NALCN: variants seen among roughly 807,000 people sequenced by gnomAD.
NALCN encodes the protein sodium leak channel NALCN.
In NALCN, 111 loss-of-function variants were observed where a neutral mutation model predicts 225.3. That is an observed-to-expected ratio of 0.49 (90% CI 0.42 to 0.58). The LOEUF (loss-of-function observed/expected upper bound fraction) is 0.58. NALCN is among the 20% of genes least tolerant of loss of function. The probability of loss-of-function intolerance (pLI) is 0.00; values close to 1 mark genes in which losing one functional copy is unlikely to be tolerated. For missense variants in NALCN, 1,378 were observed against 2,202.4 expected (o/e 0.63, Z 7.49); for synonymous variants, 764 against 769.0 (o/e 0.99, Z 0.11).
At chr13:101,214,594 T>A (rs556995196) in intron 13 of NALCN, among the ~76,000 whole-genome samples, 2 of 152,150 alleles carry the variant, frequency 1.3e-5, no homozygotes, top group South Asian at 4.2e-4. Flanking sequence ...AAGCATCCTT[T>A]TAAAGGTGAA....
At chr13:101,147,499 C>T (rs2037411258) in intron 15 of NALCN, among the ~76,000 whole-genome samples, 1 of 152,044 alleles carries the variant, frequency 6.6e-6, no homozygotes, top group Non-Finnish European at 1.5e-5. Flanking sequence ...TGCACCACCA[C>T]ACCTGGCTAC....
intron 13 of NALCN, among the ~76,000 whole-genome samples, chr13:101,214,526 C>T (rs535459615): frequency 1.3e-4 from 20 of 152,144 alleles, no homozygotes; most frequent in African/African-American, 4.8e-4. Flanking sequence ...CTCAGTTTCT[C>T]ATCCTGTATG....
chr13:101,253,160 C>T (rs949477203), intron 11 of NALCN, among the ~76,000 whole-genome samples: 5 of 151,998 alleles, frequency 3.3e-5, no homozygotes, highest in Admixed American at 1.3e-4. Flanking sequence ...TCTGTTTATG[C>T]ATAGGCTACA....
At position 101,096,918 on chromosome 13, in the gene NALCN, A is replaced by C. The variant is rs185658515; in HGVS notation, c.3163-1238T>G. 5.3e-5 allele frequency among the ~76,000 whole-genome samples: 8 copies of C among 152,252 alleles called. No homozygotes were observed. The East Asian group carries it at 1.4e-3, about 26-fold the overall frequency. On this transcript the variant is annotated intron_variant, in intron 27 of 43. Transcript: ENST00000251127. Reference sequence around the variant, plus strand: ...TGATCACTGTTTGAATATTTCAACAAAAATTCCATTTTAATCTGCTTCACG... The same window carrying C: ...TGATCACTGTTTGAATATTTCAACACAAATTCCATTTTAATCTGCTTCACG...
Position 101,258,565 on chromosome 13 carries a change from G to C in NALCN, c.1144C>G (p.Arg382Gly), listed in dbSNP as rs867467226. 1 of 1,613,974 alleles carries C rather than the reference G, an allele frequency of 6.2e-7. No individual in the cohort carries two copies. The highest frequency in any genetic ancestry group is 1.3e-5 in the African/African-American group (1 of 74,926). Residue 382 changes from arginine to glycine, a missense_variant, in exon 11 of 44, where the codon CGG becomes GGG. Arg to Gly is a moderately radical substitution (Grantham distance 125). This residue lies in a region of NALCN where 144 missense variants were observed against 187.7 expected (regional missense o/e 0.77). Transcript: ENST00000251127. The stretch of plus-strand genomic sequence containing the variant: ...ATGAACATGTGGAAAACGGATGACC[G>C]CATCATTTTCTGAGGGGGCGAAACA... ...RAPACLQKMM[R>G]SSVFHMFILS...
At chr13:101,198,794 T>C (rs564563555) in intron 13 of NALCN, among the ~76,000 whole-genome samples, 32 of 152,344 alleles carry the variant, frequency 2.1e-4, no homozygotes, top group Admixed American at 8.5e-4. Context: ...TTACTGGGTA[T>C]ATACTCACAG....
At chr13:101,415,844 A>G (rs1161607541) in intron 1 of NALCN, among the ~76,000 whole-genome samples, 1 of 147,348 alleles carries the variant, frequency 6.8e-6, no homozygotes, top group Non-Finnish European at 1.5e-5. Context: ...CCAGAGGTTT[A>G]CCCAGGCAGC....
intron 4 of NALCN, among the ~76,000 whole-genome samples, chr13:101,377,943 TGTAA>T (rs2046741372): frequency 6.6e-6 from 1 of 152,148 alleles, no homozygotes; most frequent in Non-Finnish European, 1.5e-5. Context: ...AAATCTGTCC[TGTAA>T]GTCTTTTTAA....
intron 6 of NALCN, among the ~76,000 whole-genome samples, chr13:101,362,428 T>A (rs1228135844): frequency 6.6e-6 from 1 of 152,128 alleles, no homozygotes; most frequent in East Asian, 1.9e-4. Flanking sequence ...AATGAAAGGA[T>A]GGCTTAACAT....
chr13:101,296,251 G>A (rs1298148899), intron 7 of NALCN, among the ~76,000 whole-genome samples: 1 of 152,168 alleles, frequency 6.6e-6, no homozygotes, highest in Non-Finnish European at 1.5e-5. Flanking sequence ...CAGACACTGA[G>A]GAGCACTCAA....
At chr13:101,315,372 T>C (rs994853634) in intron 7 of NALCN, among the ~76,000 whole-genome samples, 4 of 152,130 alleles carry the variant, frequency 2.6e-5, no homozygotes, top group Admixed American at 6.6e-5. Flanking sequence ...TATGTATGTA[T>C]GCATGCATGT....
At chr13:101,196,326 C>G (rs776658632) in intron 13 of NALCN, among the ~76,000 whole-genome samples, 7 of 152,310 alleles carry the variant, frequency 4.6e-5, no homozygotes, top group Non-Finnish European at 8.8e-5. Flanking sequence ...ACCCTTCTTA[C>G]TATCCTGCAG....
chr13:101,393,700 G>T (rs1298848070), intron 3 of NALCN, among the ~76,000 whole-genome samples: 1 of 152,172 alleles, frequency 6.6e-6, no homozygotes, highest in Non-Finnish European at 1.5e-5. Context: ...CCAGCTACTT[G>T]GGAGGCTGAG....
chr13:101,219,514 T>A lies in NALCN; in HGVS notation c.1626+9879A>T, dbSNP rs542155481. Among the ~76,000 whole-genome samples, 6 of 152,282 alleles carry A rather than the reference T, an allele frequency of 3.9e-5. No homozygotes were observed. The South Asian group carries it at 1.2e-3, about 32-fold the overall frequency. Reference sequence around the variant, plus strand: ...TTTCACCTGTCTCATGTGTGGGATCTTCTTAGACAAATGCTGTTTCTGCTG... The same window carrying A: ...TTTCACCTGTCTCATGTGTGGGATCATCTTAGACAAATGCTGTTTCTGCTG... On this transcript the variant is annotated intron_variant, in intron 13 of 43. Coordinates refer to ENST00000251127, the MANE Select transcript of NALCN (RefSeq NM_052867.4).
intron 13 of NALCN, among the ~76,000 whole-genome samples, chr13:101,209,136 T>G (rs1462350863): frequency 6.6e-6 from 1 of 152,188 alleles, no homozygotes; most frequent in African/African-American, 2.4e-5. Context: ...TTATATTAGA[T>G]ATATGTGGAT....
At chr13:101,366,247 T>G (rs893830770) in intron 6 of NALCN, among the ~76,000 whole-genome samples, 1 of 152,178 alleles carries the variant, frequency 6.6e-6, no homozygotes, top group African/African-American at 2.4e-5. Flanking sequence ...AAAGCTTTAC[T>G]AGTACTGCTA....
At chr13:101,158,069 T>C (rs895737572) in intron 15 of NALCN, among the ~76,000 whole-genome samples, 7 of 152,042 alleles carry the variant, frequency 4.6e-5, no homozygotes, top group Non-Finnish European at 1.0e-4. Context: ...GCTCCACATC[T>C]TCTTCTTTTG....
At chr13:101,368,641 A>G (rs1298823130) in intron 6 of NALCN, 2 of 152,246 alleles carry the variant, frequency 1.3e-5, no homozygotes, top group African/African-American at 4.8e-5. Flanking sequence ...TAGTAACGGT[A>G]AAATGGTGCT....
At chr13:101,190,279 T>G (rs2039630852) in intron 14 of NALCN, among the ~76,000 whole-genome samples, 1 of 152,228 alleles carries the variant, frequency 6.6e-6, no homozygotes. Flanking sequence ...TTCAATGAAA[T>G]CTATCCTGCA....
Sources: gnomAD v4.1 joint callset for allele counts (sites outside exome capture counted in the v4.1 genomes callset) on GRCh38, gnomAD v4.1.1 for gene constraint, gnomAD v4.1.1 regional missense constraint, MANE v1.5 for transcripts, NCBI Gene and HGNC (gene_info 2026-07-23, HGNC 2026-07-21) for gene names.